The following RBM47 variants were observed in gnomAD, a reference collection of about 807,000 sequenced individuals.
RBM47 encodes RNA-binding protein 47.
RBM47 carries 21 observed loss-of-function variants against 47.1 expected under a neutral mutation model. The ratio of observed to expected loss-of-function variants is 0.45; its 90% confidence interval spans 0.32 to 0.64. The LOEUF (loss-of-function observed/expected upper bound fraction) is 0.64, where lower values mean the gene tolerates loss of function less well. RBM47 is among the 30% of genes least tolerant of loss of function. RBM47 has a pLI of 0.05. For missense variants in RBM47, 708 were observed against 870.9 expected, an observed-to-expected ratio of 0.81 and a Z score of 2.35; for synonymous variants, 375 against 361.7, an observed-to-expected ratio of 1.04 and a Z score of -0.42.
rs10581870 is a variant in RBM47, at chr4:40,443,717, C to CAAAAAAAAAAAA, written c.-31-4805_-31-4794dup. ...GGGCAACAAGAGTGAAACTCCTTCT[C>CAAAAAAAAAAAA]AAAAAAAAAAAAAAAAAAAAAAAAA... On this transcript the variant is annotated intron_variant, in intron 3 of 6. Transcript: ENST00000295971. 1.5e-4 allele frequency among the ~76,000 whole-genome samples: 7 copies of CAAAAAAAAAAAA among 47,744 alleles called. 1 individual carries two copies. Among genetic ancestry groups the CAAAAAAAAAAAA allele is most frequent in the African/African-American group, 4.2e-4 (5 of 11,964 alleles). The allele number at this position is 47,744 out of a possible 152,430, so 31.3% of individuals were successfully genotyped here.
intron 3 of RBM47, among the ~76,000 whole-genome samples, chr4:40,448,008 C>G (rs1364544273): frequency 6.6e-6 from 1 of 151,380 alleles, no homozygotes; most frequent in Non-Finnish European, 1.5e-5. Flanking sequence ...GAGACTCCGT[C>G]TCAAAAAAAT....
rs189685851 is a variant in RBM47 at position 40,628,165 on chromosome 4, A to T, written c.-240+1231T>A. Among the ~76,000 whole-genome samples the T allele has an allele frequency of 6.6e-6, 1 of 152,350 alleles. No individual in the cohort carries two copies. Among genetic ancestry groups the T allele is most frequent in the South Asian group, 2.1e-4 (1 of 4,830 alleles). On this transcript the variant is annotated intron_variant, in intron 1 of 6. Transcript: ENST00000295971. The surrounding 1 kb of genome is among the most constrained non-coding windows in gnomAD (Gnocchi z 4.0). ...CCAGCATGCAATAATTAAGTCAAAG[A>T]GGCCAACAGTGTGTATATCAGAACA...
chr4:40,447,750 C>T (rs1714751479), intron 3 of RBM47, among the ~76,000 whole-genome samples: 1 of 152,180 alleles, frequency 6.6e-6, no homozygotes, highest in Admixed American at 6.5e-5. Context: ...GTGGCTCACG[C>T]CTATAATCCC....
intron 1 of RBM47, among the ~76,000 whole-genome samples, chr4:40,609,237 A>C (rs1361178914): frequency 6.6e-6 from 1 of 151,194 alleles, no homozygotes; most frequent in Non-Finnish European, 1.5e-5. Flanking sequence ...TGATTCACCC[A>C]CCTCAGCCTC....
At chr4:40,482,012 G>T (rs2154242048) in intron 2 of RBM47, among the ~76,000 whole-genome samples, 1 of 152,286 alleles carries the variant, frequency 6.6e-6, no homozygotes, top group African/African-American at 2.4e-5. Context: ...TAAATTACAG[G>T]TGTGAGCCAC....
chr4:40,595,061 T>C (rs1263829772), intron 1 of RBM47, among the ~76,000 whole-genome samples: 2 of 152,228 alleles, frequency 1.3e-5, no homozygotes, highest in African/African-American at 4.8e-5. Context: ...TTCAAAGCTC[T>C]TGAACCTTAC....
intron 1 of RBM47, among the ~76,000 whole-genome samples, chr4:40,556,093 T>C (rs1412886463): frequency 1.3e-5 from 2 of 150,860 alleles, no homozygotes; most frequent in Admixed American, 6.7e-5. Context: ...TGGAGTGCGG[T>C]GGCGTGATCT....
At chr4:40,588,855 C>T (rs2065355515) in intron 1 of RBM47, among the ~76,000 whole-genome samples, 1 of 151,968 alleles carries the variant, frequency 6.6e-6, no homozygotes, top group South Asian at 2.1e-4. Context: ...GCACTGGAAT[C>T]GTGGCCGACG....
At chr4:40,580,246 A>G (rs1274253791) in intron 1 of RBM47, among the ~76,000 whole-genome samples, 1 of 151,972 alleles carries the variant, frequency 6.6e-6, no homozygotes, top group Non-Finnish European at 1.5e-5. Flanking sequence ...CTTAGAATCC[A>G]AGTGACTCAT....
chr4:40,535,766 A>G (rs603857), intron 2 of RBM47, among the ~76,000 whole-genome samples: 59,902 of 151,820 alleles, frequency 0.39, 14,084 homozygotes, highest in African/African-American at 0.66. Context: ...CACCATGTTG[A>G]CCAGGTTGGT....
chr4:40,505,840 C>T (rs538111294), intron 2 of RBM47, among the ~76,000 whole-genome samples: 1 of 151,440 alleles, frequency 6.6e-6, no homozygotes, highest in Non-Finnish European at 1.5e-5. Context: ...TGCAGTGAGC[C>T]GAGACCACAC....
intron 2 of RBM47, among the ~76,000 whole-genome samples, chr4:40,473,420 T>C (rs777022538): frequency 3.5e-4 from 54 of 152,170 alleles, no homozygotes; most frequent in Admixed American, 1.3e-4. Flanking sequence ...ATAACAAAAA[T>C]GACAAATGAT....
intron 1 of RBM47, among the ~76,000 whole-genome samples, chr4:40,605,380 T>C (rs6820328): frequency 0.46 from 70,007 of 151,930 alleles, 16,713 homozygotes; most frequent in Non-Finnish European, 0.48. Context: ...GAGCACAGAC[T>C]GAACCCCAGT....
At chr4:40,578,719 A>G (rs1732570094) in intron 1 of RBM47, among the ~76,000 whole-genome samples, 1 of 152,232 alleles carries the variant, frequency 6.6e-6, no homozygotes, top group Admixed American at 6.5e-5. Context: ...TCACTGCCTC[A>G]GTTCCTCATC....
At chr4:40,514,047 T>C (rs1725277615) in intron 2 of RBM47, among the ~76,000 whole-genome samples, 1 of 152,000 alleles carries the variant, frequency 6.6e-6, no homozygotes, top group African/African-American at 2.4e-5. Flanking sequence ...GCTGTTATCT[T>C]GTCTAAATTT....
chr4:40,516,231 G>C (rs1285264055), intron 2 of RBM47, among the ~76,000 whole-genome samples: 1 of 151,640 alleles, frequency 6.6e-6, no homozygotes, highest in East Asian at 1.9e-4. Flanking sequence ...GGTGTTGGGG[G>C]AGGGCGATGA....
chr4:40,542,019 A>G (rs1166099167), intron 2 of RBM47, among the ~76,000 whole-genome samples: 1 of 152,324 alleles, frequency 6.6e-6, no homozygotes, highest in African/African-American at 2.4e-5. Context: ...TCTTACTAGA[A>G]GCTGATTACC....
At chr4:40,474,035 G>A (rs1284696099) in intron 2 of RBM47, among the ~76,000 whole-genome samples, 1 of 152,134 alleles carries the variant, frequency 6.6e-6, no homozygotes, top group African/African-American at 2.4e-5. Context: ...TTGTACCAGT[G>A]AAACCTAAGG....
At chr4:40,529,290 T>G (rs1321809836) in intron 2 of RBM47, among the ~76,000 whole-genome samples, 2 of 151,242 alleles carry the variant, frequency 1.3e-5, no homozygotes, top group Non-Finnish European at 2.9e-5. Context: ...GGCAGATCAC[T>G]TGAGGTCAGG....
Sources: allele counts gnomAD v4.1 joint callset (sites outside exome capture counted in the v4.1 genomes callset), GRCh38; gene constraint gnomAD v4.1.1; non-coding constraint Gnocchi (gnomAD v3.1); transcripts MANE v1.5; gene names NCBI Gene and HGNC (gene_info 2026-07-23, HGNC 2026-07-21).